Variants in SSBP3 observed in about 807,000 individuals in gnomAD.
SSBP3 encodes the protein single stranded DNA binding protein 3.
SSBP3 carries 5 observed loss-of-function variants against 69.6 expected under a neutral mutation model. That is an observed-to-expected ratio of 0.07 (90% CI 0.04 to 0.15). The LOEUF (loss-of-function observed/expected upper bound fraction) is 0.15, where lower values mean the gene tolerates loss of function less well. Ranked by LOEUF, SSBP3 falls within the 10% of genes least tolerant of loss-of-function variation. SSBP3 has a pLI of 1.00. For synonymous variants in SSBP3, 196 were observed against 193.4 expected, an observed-to-expected ratio of 1.01 and a Z score of -0.11; for missense variants, 312 against 534.0, an observed-to-expected ratio of 0.58 and a Z score of 4.10.
intron 5 of SSBP3, among the ~76,000 whole-genome samples, chr1:54,267,718 G>A (rs368197875): frequency 6.6e-6 from 1 of 152,160 alleles, no homozygotes; most frequent in Non-Finnish European, 1.5e-5. Context: ...GCTTGACCAA[G>A]GAAATGGCAA....
At chr1:54,275,726 A>T (rs980485409) in intron 5 of SSBP3, among the ~76,000 whole-genome samples, 1 of 152,210 alleles carries the variant, frequency 6.6e-6, no homozygotes, top group African/African-American at 2.4e-5. Context: ...CCATACAATG[A>T]TTCAAATTGG....
chr1:54,305,619 TA>T (rs762340360), intron 4 of SSBP3, among the ~76,000 whole-genome samples: 44 of 139,906 alleles, frequency 3.1e-4, no homozygotes, highest in African/African-American at 5.0e-4. Flanking sequence ...TATTTTTCTT[TA>T]AAAAAAAAAA....
upstream of SSBP3, among the ~76,000 whole-genome samples, chr1:54,408,225 T>G (rs564533038): frequency 3.9e-5 from 6 of 152,170 alleles, no homozygotes; most frequent in African/African-American, 4.8e-5. Flanking sequence ...TTTTAAAGGT[T>G]GTTTCGTGAA....
chr1:54,278,808 G>A lies in SSBP3; in HGVS notation c.366+2630C>T, dbSNP rs571465879. Among the ~76,000 whole-genome samples the A allele has an allele frequency of 2.3e-3, 343 of 152,370 alleles. 2 individuals are homozygous for A. Among genetic ancestry groups the A allele is most frequent in the African/African-American group, 8.0e-3 (333 of 41,586 alleles). On this transcript the variant is annotated intron_variant, in intron 5 of 17. Coordinates refer to ENST00000610401, the Ensembl canonical transcript of SSBP3. The stretch of plus-strand genomic sequence containing the variant: ...GCCTTGGCCAAGCAGGGGAAGGAGT[G>A]CAATTGTTGGTAACAGATAAAATCC...
intron 7 of SSBP3, among the ~76,000 whole-genome samples, chr1:54,254,315 C>G (rs1373935034): frequency 3.9e-5 from 6 of 152,232 alleles, no homozygotes; most frequent in African/African-American, 1.4e-4. Context: ...CCCGCCAGCA[C>G]AGCCAGCCTG....
chr1:54,299,598 T>C (rs1473318916), intron 4 of SSBP3, among the ~76,000 whole-genome samples: 4 of 151,524 alleles, frequency 2.6e-5, no homozygotes, highest in African/African-American at 9.7e-5. Context: ...ATTAGGAAAA[T>C]GAGAGTCAAA....
chr1:54,345,871 G>A (rs904284451), intron 4 of SSBP3, among the ~76,000 whole-genome samples: 2 of 151,956 alleles, frequency 1.3e-5, no homozygotes, highest in South Asian at 4.1e-4. Context: ...GCTGGGCACG[G>A]TGGCTCACGC....
At chr1:54,239,279 T>C (rs1322902420) in intron 13 of SSBP3, 80 bp from the exon 14 acceptor site, 11 of 1,129,906 alleles carry the variant, frequency 9.7e-6, no homozygotes, top group Non-Finnish European at 1.4e-5. Context: ...CTGGAACTCA[T>C]TCTTTTGTAT....
At chr1:54,251,515 G>T (rs759872095) in intron 9 of SSBP3, 101 bp downstream of exon 9, 5 of 1,286,958 alleles carry the variant, frequency 3.9e-6, no homozygotes, top group Admixed American at 2.2e-5. Context: ...TCACCCCTGC[G>T]AACTGAGAGA....
At chr1:54,278,061 A>C (rs2100858644) in intron 5 of SSBP3, among the ~76,000 whole-genome samples, 1 of 152,366 alleles carries the variant, frequency 6.6e-6, no homozygotes, top group South Asian at 2.1e-4. Context: ...ACTAGGGTCC[A>C]GAGATGGGGA....
intron 4 of SSBP3, among the ~76,000 whole-genome samples, chr1:54,369,404 G>A (rs1647088536): frequency 6.6e-6 from 1 of 152,202 alleles, no homozygotes; most frequent in Non-Finnish European, 1.5e-5. Context: ...TGTGCAGCTA[G>A]GTGGATGGAT....
intron 9 of SSBP3, among the ~76,000 whole-genome samples, chr1:54,244,522 C>T (rs889746077): frequency 1.3e-5 from 2 of 152,200 alleles, no homozygotes; most frequent in Non-Finnish European, 2.9e-5. Context: ...ATCAGGATTA[C>T]AGGCGTGAGC....
Position 54,289,520 on chromosome 1 carries a change from C to T in SSBP3, c.277-7993G>A, listed in dbSNP as rs1230584515. ...AGCAGATGACAGGTTGCAGGTCTGC[C>T]CTGCAGGTCAGGAGGATGCAAGGAG... On this transcript the variant is annotated intron_variant, in intron 4 of 17. Coordinates refer to ENST00000610401, the Ensembl canonical transcript of SSBP3. Among the ~76,000 whole-genome samples, 3 of 152,094 alleles carry T rather than the reference C, an allele frequency of 2.0e-5. No homozygotes were observed. In the East Asian group the frequency reaches 5.8e-4, roughly 29 times the overall value.
intron 4 of SSBP3, among the ~76,000 whole-genome samples, chr1:54,296,240 C>T (rs1176336142): frequency 6.6e-6 from 1 of 152,212 alleles, no homozygotes; most frequent in Non-Finnish European, 1.5e-5. Flanking sequence ...TCTCCTCAAA[C>T]AACTGTTGGA....
chr1:54,371,632 T>A (rs756136768), intron 4 of SSBP3, among the ~76,000 whole-genome samples: 1 of 152,196 alleles, frequency 6.6e-6, no homozygotes, highest in Non-Finnish European at 1.5e-5. Context: ...ATAGGACTGA[T>A]GAGAGGACCA....
At chr1:54,290,883 A>C (rs1645593267) in intron 4 of SSBP3, among the ~76,000 whole-genome samples, 1 of 152,188 alleles carries the variant, frequency 6.6e-6, no homozygotes, top group South Asian at 2.1e-4. Flanking sequence ...TTTCTTCTTA[A>C]AGAGAAATGA....
intron 4 of SSBP3, among the ~76,000 whole-genome samples, chr1:54,371,013 G>C (rs1050677236): frequency 7.9e-5 from 12 of 152,264 alleles, no homozygotes; most frequent in African/African-American, 2.6e-4. Flanking sequence ...TGAAAAGACA[G>C]GGCCAACCCC....
chr1:54,391,848 C>T (rs1219248320), intron 4 of SSBP3, among the ~76,000 whole-genome samples: 1 of 152,234 alleles, frequency 6.6e-6, no homozygotes, highest in South Asian at 2.1e-4. Flanking sequence ...CCTGTTCAGA[C>T]GCAAGCTCCA....
chr1:54,262,641 G>A (rs550004417), intron 5 of SSBP3, among the ~76,000 whole-genome samples: 1 of 152,332 alleles, frequency 6.6e-6, no homozygotes, highest in Non-Finnish European at 1.5e-5. Context: ...TCCAAGAGAG[G>A]GTGATGCCTA....
Sources: gnomAD v4.1 joint callset for allele counts (sites outside exome capture counted in the v4.1 genomes callset) on GRCh38, gnomAD v4.1.1 for gene constraint, MANE v1.5 for transcripts, NCBI Gene and HGNC (gene_info 2026-07-23, HGNC 2026-07-21) for gene names.